The following VPS53 variants were observed in gnomAD, a reference collection of about 807,000 sequenced individuals.
VPS53 encodes the protein vacuolar protein sorting-associated protein 53 homolog.
VPS53 carries 70 observed loss-of-function variants against 107.0 expected under a neutral mutation model. The observed-to-expected ratio is 0.65, with a 90% CI of 0.54 to 0.80. The LOEUF (loss-of-function observed/expected upper bound fraction) is 0.80. VPS53 is among the 30% of genes least tolerant of loss of function. The pLI is 0.00. For synonymous variants in VPS53, 409 were observed against 393.3 expected, an observed-to-expected ratio of 1.04 and a Z score of -0.47; for missense variants, 917 against 1,049.4, an observed-to-expected ratio of 0.87 and a Z score of 1.74.
chr17:566,136 G>A (rs1443745277), intron 13 of VPS53, among the ~76,000 whole-genome samples: 2 of 149,446 alleles, frequency 1.3e-5, no homozygotes, highest in African/African-American at 2.5e-5. Flanking sequence ...CCCGGGAGGC[G>A]GAGCTTGCAG....
chr17:607,083 G>A (rs541469768), intron 11 of VPS53, among the ~76,000 whole-genome samples: 1 of 152,334 alleles, frequency 6.6e-6, no homozygotes, highest in South Asian at 2.1e-4. Context: ...CTGGCACAGA[G>A]GGCAAGGCTC....
intron 12 of VPS53, 134 bp from the exon 13 acceptor site, chr17:586,498 T>C (rs1967326441): frequency 6.0e-6 from 5 of 828,234 alleles, no homozygotes; most frequent in Non-Finnish European, 7.5e-6. Context: ...CCCAATACGA[T>C]GGTTTCACCA....
intron 4 of VPS53, among the ~76,000 whole-genome samples, chr17:668,043 T>C (rs1467369911): frequency 2.0e-5 from 3 of 152,210 alleles, no homozygotes; most frequent in African/African-American, 7.2e-5. Context: ...AACTGCTCGC[T>C]GGTGCCAAAA....
intron 4 of VPS53, among the ~76,000 whole-genome samples, chr17:675,998 G>A (rs188071096): frequency 1.4e-3 from 206 of 152,146 alleles, no homozygotes; most frequent in South Asian, 0.013. Context: ...AATAATATAC[G>A]GAGGACGACA....
chr17:642,715 C>T (rs1330715913), intron 7 of VPS53, among the ~76,000 whole-genome samples: 9 of 145,140 alleles, frequency 6.2e-5, no homozygotes, highest in East Asian at 2.2e-4. Context: ...ACTTGGCAAC[C>T]GAGGACAACA....
rs756227614 is a variant in VPS53, at chr17:714,737, C to T, written c.-28G>A. ...CGCCACCCGGCCCCCTGCCGACCCC[C>T]GCCGCGAGCCCAACTCAGGCCTCCA... On this transcript the variant is annotated 5_prime_UTR_variant, in exon 1 of 22. Coordinates refer to ENST00000437048, the MANE Select transcript of VPS53 (RefSeq NM_001128159.3). 16 of 1,612,128 alleles carry T rather than the reference C, an allele frequency of 9.9e-6. 1 individual carries two copies. The South Asian group carries it at 1.6e-4, about 17-fold the overall frequency.
At chr17:521,830 C>A in intron 19 of VPS53, 92 bp from the exon 20 acceptor site, 1 of 1,298,994 alleles carries the variant, frequency 7.7e-7, no homozygotes. Context: ...TCTCGTTATA[C>A]ACGTAACACA....
chr17:714,818 C>T lies in VPS53; in HGVS notation c.-109G>A. On this transcript the variant is annotated 5_prime_UTR_variant, in exon 1 of 22. Coordinates refer to ENST00000437048, the MANE Select transcript of VPS53 (RefSeq NM_001128159.3). ...CCTCGCGGCAGCGACCTGGTGAGCC[C>T]GGCTCCGTCAGCCGCTCTGTCAGCC... 4.0e-6 allele frequency: 5 copies of T among 1,256,150 alleles called. No individual in the cohort carries two copies. The highest frequency in any genetic ancestry group is 2.4e-5 in the South Asian group (2 of 82,564). The allele number at this position is 1,256,150 out of a possible 1,614,324, so 77.8% of individuals were successfully genotyped here.
intron 11 of VPS53, 80 bp from the exon 12 acceptor site, chr17:601,976 G>A (rs1460554931): frequency 1.0e-5 from 11 of 1,090,226 alleles, no homozygotes; most frequent in African/African-American, 1.6e-5. Flanking sequence ...TTTTCTAGGT[G>A]TCTCCAACAA....
intron 11 of VPS53, among the ~76,000 whole-genome samples, chr17:608,030 G>T (rs1968665976): frequency 6.6e-6 from 1 of 152,186 alleles, no homozygotes; most frequent in African/African-American, 2.4e-5. Flanking sequence ...TTTCGCTTGT[G>T]AGATGAAAGT....
At chr17:552,019 C>T (rs1911864356) in intron 16 of VPS53, 69 bp from the exon 17 acceptor site, 2 of 1,403,366 alleles carry the variant, frequency 1.4e-6, no homozygotes, top group African/African-American at 1.4e-5. Flanking sequence ...GACACTCAGG[C>T]CCCTGTGTAA....
chr17:598,178 G>C (rs1035172755), intron 12 of VPS53, among the ~76,000 whole-genome samples: 4 of 152,350 alleles, frequency 2.6e-5, no homozygotes, highest in Admixed American at 6.5e-5. Flanking sequence ...GGCCAGGCCG[G>C]TCTCCAGCCC....
At chr17:623,082 A>G (rs1486089319) in intron 11 of VPS53, among the ~76,000 whole-genome samples, 1 of 152,140 alleles carries the variant, frequency 6.6e-6, no homozygotes, top group African/African-American at 2.4e-5. Context: ...CCACCTTTCC[A>G]ATGGAGGCAC....
chr17:571,453 A>T (rs1914048644), intron 13 of VPS53, among the ~76,000 whole-genome samples: 1 of 151,190 alleles, frequency 6.6e-6, no homozygotes, highest in Non-Finnish European at 1.5e-5. Context: ...ATTAATTCAA[A>T]ATAAACAACA....
intron 4 of VPS53, among the ~76,000 whole-genome samples, chr17:682,695 C>G (rs1302992695): frequency 6.6e-6 from 1 of 151,990 alleles, no homozygotes; most frequent in Non-Finnish European, 1.5e-5. Flanking sequence ...CTCTCCTCTT[C>G]TACACAAAAT....
intron 19 of VPS53, chr17:532,588 A>C (rs1056733773): frequency 2.4e-6 from 2 of 820,810 alleles, no homozygotes; most frequent in Admixed American, 4.0e-5. Context: ...GAGTGTGAGC[A>C]CTAGGAGCAG....
chr17:583,614 C>T (rs1471340124), intron 13 of VPS53, among the ~76,000 whole-genome samples: 12 of 150,436 alleles, frequency 8.0e-5, no homozygotes, highest in African/African-American at 2.2e-4. Flanking sequence ...AACCTGAATG[C>T]GTTCCCAAAG....
chr17:616,602 G>T, intron 11 of VPS53: 1 of 152,450 alleles, frequency 6.6e-6, no homozygotes. Context: ...GTGAGTTCAG[G>T]CAGAAAGGGG....
intron 17 of VPS53, among the ~76,000 whole-genome samples, chr17:548,319 CT>C (rs1911418721): frequency 1.3e-5 from 2 of 152,234 alleles, no homozygotes; most frequent in Non-Finnish European, 1.5e-5. Flanking sequence ...AGGAAGTCTC[CT>C]TCCGTCAACT....
Sources: gnomAD v4.1 joint callset for allele counts (sites outside exome capture counted in the v4.1 genomes callset) on GRCh38, gnomAD v4.1.1 for gene constraint, MANE v1.5 for transcripts, NCBI Gene and HGNC (gene_info 2026-07-23, HGNC 2026-07-21) for gene names.